INTS3: variants seen among roughly 807,000 people sequenced by gnomAD.
The protein encoded by INTS3 is integrator complex subunit 3, also known as SOSS complex subunit A.
A neutral mutation model predicts 146.3 loss-of-function variants in INTS3; 34 were observed. The ratio of observed to expected loss-of-function variants is 0.23; its 90% CI spans 0.18 to 0.31. The LOEUF (loss-of-function observed/expected upper bound fraction) is 0.31. Ranked by LOEUF, INTS3 falls within the 10% of genes least tolerant of loss-of-function variation. INTS3 has a pLI of 1.00. For missense variants in INTS3, 757 were observed against 1,304.2 expected (o/e 0.58, Z 6.46); for synonymous variants, 475 against 494.9 (o/e 0.96, Z 0.53).
chr1:153,767,056 C>T (rs1570880985), intron 20 of INTS3: 1 of 152,138 alleles, frequency 6.6e-6, no homozygotes, highest in Non-Finnish European at 1.5e-5. Flanking sequence ...CAAAAGTGTT[C>T]TTTATATATT....
At chr1:153,760,101 G>C (rs547478230) in intron 11 of INTS3, 2 of 583,568 alleles carry the variant, frequency 3.4e-6, no homozygotes, top group Non-Finnish European at 3.0e-6. Flanking sequence ...GCGTGGTGGC[G>C]CACACCTGTA....
In INTS3 at chr1:153,767,343, T is replaced by A. The variant is rs371857688; in HGVS notation, c.2091-331T>A. Reference sequence around the variant, plus strand: ...CTGTGAGGTGTCACTGCCCTCATGGTTAGAGCCCAGAAAGCAAGAGAGAAA... The same window carrying A: ...CTGTGAGGTGTCACTGCCCTCATGGATAGAGCCCAGAAAGCAAGAGAGAAA... On this transcript the variant is annotated intron_variant, in intron 20 of 29. Transcript: ENST00000318967. 4.2e-4 allele frequency: 108 copies of A among 258,192 alleles called. 3 individuals are homozygous for A. In the South Asian group the frequency reaches 0.015, roughly 35 times the overall value. 16.0% of individuals were successfully genotyped at this position (258,192 alleles called of 1,614,324 possible). A position where few individuals can be genotyped will look rare whatever the true frequency, so the allele number is the denominator to read the frequency against.
chr1:153,730,306 A>G (rs1356687327), intron 1 of INTS3, among the ~76,000 whole-genome samples: 3 of 152,208 alleles, frequency 2.0e-5, no homozygotes, highest in Admixed American at 1.3e-4. Context: ...AATGTGAACA[A>G]TGTATTCCCA....
chr1:153,745,073 G>A (rs1671674879), intron 3 of INTS3, among the ~76,000 whole-genome samples: 1 of 150,818 alleles, frequency 6.6e-6, no homozygotes, highest in Non-Finnish European at 1.5e-5. Context: ...ATCAAATGCA[G>A]TAATATATAC....
In INTS3 at chr1:153,772,423, C is replaced by G; in HGVS notation, c.2804C>G (p.Thr935Ser). Reference protein sequence around the residue: ...EHLDNLRLNLTNTKQNFFSQT... With the variant: ...EHLDNLRLNLSNTKQNFFSQT... ...TTGGACAATCTGCGGCTCAACCTGA[C>G]CAACACCAAGCAGAACTGTATGCCT... Residue 935 changes from threonine (T) to serine (S), a missense_variant, in exon 27 of 30, where the codon ACC becomes AGC. Coordinates refer to ENST00000318967, the MANE Select transcript of INTS3 (RefSeq NM_023015.5). This position sits in a 1 kb window ranked among gnomAD's most constrained non-coding sequence, Gnocchi z 4.6. 6.2e-7 allele frequency: 1 copy of G among 1,614,122 alleles called. No homozygotes were observed.
chr1:153,772,548 A>G lies in INTS3; in HGVS notation c.2822-91A>G. The G allele has an allele frequency of 6.2e-7, 1 of 1,610,570 alleles. No homozygotes were observed. The highest frequency in any genetic ancestry group is 2.2e-5 in the East Asian group (1 of 44,782). ...CAGGACACCCGGGGCCACAACCCAC[A>G]CTCGGGATAAAACAACCTGTGCGTG... On this transcript the variant is annotated intron_variant, in intron 27 of 29. Coordinates refer to ENST00000318967, the MANE Select transcript of INTS3 (RefSeq NM_023015.5). The surrounding 1 kb of genome is among the most constrained non-coding windows in gnomAD (Gnocchi z 4.6).
intron 18 of INTS3, 79 bp downstream of exon 18, chr1:153,764,300 C>G: frequency 1.1e-6 from 1 of 934,404 alleles, no homozygotes; most frequent in South Asian, 1.3e-5. Flanking sequence ...AGACCCCTTA[C>G]TGTAGACTTG....
In INTS3 at chr1:153,740,746, GC is replaced by G. The variant is rs752429494; in HGVS notation, c.234+13del. The G allele has an allele frequency of 1.3e-6, 2 of 1,594,350 alleles. No homozygotes were observed. The highest frequency in any genetic ancestry group is 1.7e-6 in the Non-Finnish European group (2 of 1,162,170). On this transcript the variant is annotated intron_variant, in intron 2 of 29. Transcript: ENST00000318967. The stretch of plus-strand genomic sequence containing the variant: ...CCCTCAATGCGTATGTAAGTAGAAT[GC>G]TGTCCCTGCAGCCACTGCTGCTGCT...
intron 13 of INTS3, 188 bp from the exon 14 acceptor site, chr1:153,761,382 C>T (rs1672376573): frequency 3.5e-6 from 2 of 564,566 alleles, no homozygotes; most frequent in Admixed American, 3.2e-5. Context: ...TGATGGTGCA[C>T]ACCTGTAATC....
chr1:153,735,321 A>G (rs1671245949), intron 1 of INTS3, among the ~76,000 whole-genome samples: 1 of 152,102 alleles, frequency 6.6e-6, no homozygotes, highest in East Asian at 1.9e-4. Flanking sequence ...AGGTGCTTTC[A>G]CATATGTCAT....
At chr1:153,733,197 CTTTTTTTTTTTTTT>C (rs60492889) in intron 1 of INTS3, among the ~76,000 whole-genome samples, 9 of 42,728 alleles carry the variant, frequency 2.1e-4, no homozygotes, top group African/African-American at 4.4e-4. Flanking sequence ...TTACCGAATG[CTTTTTTTTTTTTTT>C]TTTTTTTTTT....
intron 1 of INTS3, 84 bp downstream of exon 1, chr1:153,728,868 T>TGGGGGAGGGGGGGGG: frequency 5.3e-5 from 1 of 18,832 alleles, no homozygotes; most frequent in South Asian, 8.3e-4. Context: ...GGACGGGGGG[T>TGGGGGAGGGGGGGGG]GGGGGCGGGG....
intron 17 of INTS3, 110 bp downstream of exon 17, chr1:153,763,996 T>C (rs1310331803): frequency 7.0e-6 from 9 of 1,283,888 alleles, no homozygotes; most frequent in Non-Finnish European, 9.1e-6. Context: ...GTCCCTCTTA[T>C]AGTGGGGAGG....
chr1:153,756,397 A>C (rs1410740005), intron 9 of INTS3, among the ~76,000 whole-genome samples: 1 of 151,616 alleles, frequency 6.6e-6, no homozygotes, highest in Non-Finnish European at 1.5e-5. Context: ...AGCCTGGTGC[A>C]GTGGCATGTG....
At chr1:153,740,325 C>T (rs1213341740) in intron 1 of INTS3, among the ~76,000 whole-genome samples, 1 of 152,132 alleles carries the variant, frequency 6.6e-6, no homozygotes, top group Admixed American at 6.5e-5. Flanking sequence ...GTCTTGAACT[C>T]CTGACCTCAG....
intron 20 of INTS3, among the ~76,000 whole-genome samples, chr1:153,765,302 C>A (rs1388183003): frequency 3.9e-5 from 6 of 152,182 alleles, no homozygotes; most frequent in Non-Finnish European, 8.8e-5. Flanking sequence ...CCTCCCCCCT[C>A]AGCATCCTGA....
At position 153,757,184 on chromosome 1, in the gene INTS3, T is replaced by G. The variant is rs1672192124; in HGVS notation, c.958-388T>G. Among the ~76,000 whole-genome samples, 1 of 152,182 alleles carries G rather than the reference T, an allele frequency of 6.6e-6. No homozygotes were observed. The highest frequency in any genetic ancestry group is 2.1e-4 in the South Asian group (1 of 4,822). On this transcript the variant is annotated intron_variant, in intron 9 of 29. Transcript: ENST00000318967. The surrounding 1 kb of genome is among the most constrained non-coding windows in gnomAD (Gnocchi z 4.0). ...AGTGGTGAACAGACCCAGCTCTTAC[T>G]CTTGAAGAACATTTCTTGCTGTTCA... is the stretch of plus-strand genomic sequence containing the variant.
At chr1:153,743,928 C>G (rs912207736) in intron 3 of INTS3, among the ~76,000 whole-genome samples, 2 of 151,942 alleles carry the variant, frequency 1.3e-5, no homozygotes, top group African/African-American at 4.9e-5. Flanking sequence ...CCTAGGCTGA[C>G]ACATCACTGC....
chr1:153,769,506 C>T (rs1293422628), intron 22 of INTS3, among the ~76,000 whole-genome samples: 1 of 152,136 alleles, frequency 6.6e-6, no homozygotes, highest in Non-Finnish European at 1.5e-5. Context: ...GTCCTTTCCT[C>T]CTCAGGCTTA....
Sources: allele counts gnomAD v4.1 joint callset (sites outside exome capture counted in the v4.1 genomes callset), GRCh38; gene constraint gnomAD v4.1.1; non-coding constraint Gnocchi (gnomAD v3.1); transcripts MANE v1.5; gene names NCBI Gene and HGNC (gene_info 2026-07-23, HGNC 2026-07-21).